CCDC77: variants seen among roughly 807,000 people sequenced by gnomAD.
CCDC77 encodes the protein coiled-coil domain containing 77.
In CCDC77, 56 loss-of-function variants were observed where a neutral mutation model predicts 66.8. The ratio of observed to expected loss-of-function variants is 0.84; its 90% CI spans 0.68 to 1.05. The LOEUF (loss-of-function observed/expected upper bound fraction) is 1.05. CCDC77 is among the 50% of genes least tolerant of loss of function. CCDC77 has a pLI of 0.00. For missense variants in CCDC77, 570 were observed against 576.8 expected (o/e 0.99, Z 0.12); for synonymous variants, 196 against 195.2 (o/e 1.00, Z -0.03).
intron 9 of CCDC77, among the ~76,000 whole-genome samples, chr12:435,652 C>T (rs1391188938): frequency 6.6e-6 from 1 of 152,202 alleles, no homozygotes; most frequent in Non-Finnish European, 1.5e-5. Flanking sequence ...CATACTTATG[C>T]AGGCTATGTG....
chr12:428,739 A>G (rs1945585019), intron 5 of CCDC77, 30 bp from the exon 6 acceptor site: 30 of 1,466,380 alleles, frequency 2.0e-5, no homozygotes, highest in Non-Finnish European at 2.8e-5. Flanking sequence ...ACATTTAATA[A>G]TATGTGCTTG....
intron 5 of CCDC77, among the ~76,000 whole-genome samples, chr12:427,614 A>G (rs1266052329): frequency 6.6e-6 from 1 of 151,532 alleles, no homozygotes; most frequent in Non-Finnish European, 1.5e-5. Flanking sequence ...AGCTGGGATT[A>G]CAGGTGCACG....
chr12:403,762 C>T (rs1944940647), intron 1 of CCDC77, among the ~76,000 whole-genome samples: 1 of 152,134 alleles, frequency 6.6e-6, no homozygotes, highest in South Asian at 2.1e-4. Flanking sequence ...AAAGTGCTGG[C>T]ATTACAGGCA....
At chr12:431,478 C>T (rs1945651202) in intron 7 of CCDC77, among the ~76,000 whole-genome samples, 1 of 152,142 alleles carries the variant, frequency 6.6e-6, no homozygotes, top group Non-Finnish European at 1.5e-5. Context: ...GATTGTCCTG[C>T]TTTGGCCTCC....
intron 1 of CCDC77, chr12:389,858 T>A (rs1944722185): frequency 6.6e-6 from 1 of 152,622 alleles, no homozygotes; most frequent in East Asian, 1.9e-4. Flanking sequence ...AATCTCACTC[T>A]GCCACTTTAT....
intron 5 of CCDC77, among the ~76,000 whole-genome samples, chr12:423,094 CT>C (rs796102854): frequency 0.034 from 3,003 of 89,250 alleles, 72 homozygotes; most frequent in East Asian, 0.15. Flanking sequence ...CTGTTATTTT[CT>C]TTTTTTTTTC....
chr12:438,912 C>CCAA (rs1760398786), intron 10 of CCDC77, among the ~76,000 whole-genome samples: 2 of 106,440 alleles, frequency 1.9e-5, no homozygotes, highest in Non-Finnish European at 4.2e-5. Flanking sequence ...ACTAAAAATA[C>CCAA]AAAAAAAAAA....
chr12:393,344 G>A (rs1026751922), intron 1 of CCDC77, among the ~76,000 whole-genome samples: 1 of 152,060 alleles, frequency 6.6e-6, no homozygotes, highest in Non-Finnish European at 1.5e-5. Context: ...AAACTCCTGG[G>A]CTCAGGGATC....
At chr12:422,037 TGA>T (rs1945403722) in intron 5 of CCDC77, among the ~76,000 whole-genome samples, 1 of 41,182 alleles carries the variant, frequency 2.4e-5, no homozygotes. Flanking sequence ...GTGCTGGGAG[TGA>T]GAGGGTAAAC....
Position 440,860 on chromosome 12 carries a change from T to C in CCDC77, c.1184T>C (p.Met395Thr), listed in dbSNP as rs755120874. ...CATATTTAGGATCGCACTAACAAGATGGGGAAGCGTTTACAGATAATGACA... is the reference window on the plus strand; with the variant it reads ...CATATTTAGGATCGCACTAACAAGACGGGGAAGCGTTTACAGATAATGACA... Reference protein sequence around the residue: ...REIFKDRTNKMGKRLQIMTKR... With the variant: ...REIFKDRTNKTGKRLQIMTKR... The change falls in exon 12 of 13, where the codon ATG (methionine) becomes ACG (threonine). Residue 395 changes from methionine (M) to threonine (T), a missense_variant. By Grantham distance (81) the Met-to-Thr change is moderately conservative. Coordinates refer to ENST00000239830, the MANE Select transcript of CCDC77 (RefSeq NM_032358.4). 4 of 1,613,598 alleles carry C rather than the reference T, an allele frequency of 2.5e-6. No homozygotes were observed. Among genetic ancestry groups the C allele is most frequent in the Non-Finnish European group, 3.4e-6 (4 of 1,179,998 alleles).
chr12:440,770 G>A (rs762219160), intron 11 of CCDC77, 28 bp downstream of exon 11: 91 of 1,613,526 alleles, frequency 5.6e-5, no homozygotes, highest in Non-Finnish European at 7.1e-5. Context: ...ACTTGTAATG[G>A]AATAGGAAGT....
At chr12:399,175 A>ATTTT (rs36027759), upstream of CCDC77, among the ~76,000 whole-genome samples, 1 of 147,160 alleles carries the variant, frequency 6.8e-6, no homozygotes, top group African/African-American at 2.5e-5. Context: ...CTTATGAAAT[A>ATTTT]TTTTTTTTTT....
chr12:437,874 TA>T (rs1161372513), intron 9 of CCDC77, among the ~76,000 whole-genome samples: 1 of 151,966 alleles, frequency 6.6e-6, no homozygotes, highest in Non-Finnish European at 1.5e-5. Context: ...AAGTTCTTTT[TA>T]AAATAAACAA....
intron 10 of CCDC77, among the ~76,000 whole-genome samples, chr12:439,026 C>T (rs1199553779): frequency 1.3e-5 from 2 of 149,924 alleles, no homozygotes; most frequent in Non-Finnish European, 3.0e-5. Context: ...TGCAGTCAGC[C>T]GAGACTGTGC....
At chr12:434,869 G>A (rs569860285) in intron 9 of CCDC77, among the ~76,000 whole-genome samples, 60 of 152,320 alleles carry the variant, frequency 3.9e-4, no homozygotes, top group Non-Finnish European at 6.5e-4. Context: ...GACATCCTCA[G>A]TTGAATGTGT....
At chr12:399,320 C>T (rs911999267), upstream of CCDC77, among the ~76,000 whole-genome samples, 4 of 152,162 alleles carry the variant, frequency 2.6e-5, no homozygotes, top group Non-Finnish European at 5.9e-5. Context: ...TACAGGCATG[C>T]GCCATCATGG....
Position 413,791 on chromosome 12 carries a change from C to A in CCDC77, c.270+1813C>A, listed in dbSNP as rs921679204. Among the ~76,000 whole-genome samples, 69 of 151,586 alleles carry A rather than the reference C, an allele frequency of 4.6e-4. 3 individuals carry two copies. Among genetic ancestry groups the A allele is most frequent in the African/African-American group, 1.6e-3 (67 of 41,066 alleles). ...TACAGGTGCACGCCACCACACCTGG[C>A]TAATTTTTTGTATTTTAGTAGAGGC... On this transcript the variant is annotated intron_variant, in intron 4 of 12. Coordinates refer to ENST00000239830, the MANE Select transcript of CCDC77 (RefSeq NM_032358.4).
intron 1 of CCDC77, among the ~76,000 whole-genome samples, chr12:402,578 GAA>G (rs1417249486): frequency 6.6e-6 from 1 of 152,198 alleles, no homozygotes; most frequent in Admixed American, 6.5e-5. Flanking sequence ...AGAGTAGAGA[GAA>G]ATAAGGCAGG....
intron 6 of CCDC77, among the ~76,000 whole-genome samples, chr12:429,843 C>T (rs1355287635): frequency 6.6e-6 from 1 of 152,136 alleles, no homozygotes; most frequent in Admixed American, 6.5e-5. Flanking sequence ...TGGACTCACA[C>T]TTCTGGGCTT....
Sources: gnomAD v4.1 joint callset for allele counts (sites outside exome capture counted in the v4.1 genomes callset) on GRCh38, gnomAD v4.1.1 for gene constraint, MANE v1.5 for transcripts, NCBI Gene and HGNC (gene_info 2026-07-23, HGNC 2026-07-21) for gene names.